DNAH1: variants seen among roughly 807,000 people sequenced by gnomAD.
DNAH1 encodes dynein axonemal heavy chain 1.
In DNAH1, 327 loss-of-function variants were observed where a neutral mutation model predicts 484.3. The ratio of observed to expected loss-of-function variants is 0.68; its 90% CI spans 0.62 to 0.74. The LOEUF is 0.74. DNAH1 is among the 30% of genes least tolerant of loss of function. The pLI is 0.00. For missense variants in DNAH1, 5,052 were observed against 5,546.8 expected, an observed-to-expected ratio of 0.91 and a Z score of 2.83; for synonymous variants, 2,192 against 2,191.9, an observed-to-expected ratio of 1.00 and a Z score of 0.00.
intron 74 of DNAH1, 70 bp from the exon 75 acceptor site, chr3:52,397,962 A>G (rs1704712997): frequency 3.8e-6 from 6 of 1,584,800 alleles, no homozygotes; most frequent in Admixed American, 1.7e-5. Context: ...AAGGACCCCT[A>G]TGCATGTGGA....
chr3:52,335,465 A>G (rs1351537025), intron 8 of DNAH1, among the ~76,000 whole-genome samples: 1 of 137,368 alleles, frequency 7.3e-6, no homozygotes, highest in African/African-American at 2.8e-5. Context: ...CTGCCACCAC[A>G]CCCAGCTAAT....
Position 52,344,485 on chromosome 3 carries a change from G to A in DNAH1, c.1287-5G>A. 1 of 1,612,636 alleles carries A rather than the reference G, an allele frequency of 6.2e-7. No homozygotes were observed. The highest frequency in any genetic ancestry group is 8.5e-7 in the Non-Finnish European group (1 of 1,178,850). On this transcript the variant is annotated splice_polypyrimidine_tract_variant and splice_region_variant and intron_variant, in intron 8 of 77. Coordinates refer to ENST00000420323, the MANE Select transcript of DNAH1 (RefSeq NM_015512.5). Reference sequence around the variant, plus strand: ...GATTCCCCCATCTCCCATCTCTATGGGCAGGGTTCTAGAGCACCTCAGCAG... The same window carrying A: ...GATTCCCCCATCTCCCATCTCTATGAGCAGGGTTCTAGAGCACCTCAGCAG...
chr3:52,391,743 A>G (rs1020008534), intron 63 of DNAH1, 140 bp downstream of exon 63: 2 of 1,003,166 alleles, frequency 2.0e-6, no homozygotes, highest in Non-Finnish European at 3.0e-6. Context: ...AGGCACTCAC[A>G]TTCGAAGCCT....
At chr3:52,378,477 G>T in intron 46 of DNAH1, 125 bp from the exon 47 acceptor site, 2 of 1,071,048 alleles carry the variant, frequency 1.9e-6, no homozygotes, top group Non-Finnish European at 1.4e-6. Context: ...TGGAATCCAA[G>T]CCTGAAGGCT....
rs944202671 is a variant in DNAH1, at chr3:52,391,247, C to T, written c.9810C>T (p.Ala3270=). ...ACTTCCTGCGCAGCATGGAGAACGCCATCCGCTTTGGCAAGCCATGTCTCC... is the reference window on the plus strand; with the variant it reads ...ACTTCCTGCGCAGCATGGAGAACGCTATCCGCTTTGGCAAGCCATGTCTCC... ...DRDFLRSMEN[A]IRFGKPCLLE... Residue 3270 remains alanine (A), a synonymous_variant, in exon 62 of 78, where the codon GCC becomes GCT. Coordinates refer to ENST00000420323, the MANE Select transcript of DNAH1 (RefSeq NM_015512.5). 3 of 1,613,652 alleles carry T rather than the reference C, an allele frequency of 1.9e-6. No homozygotes were observed. Among genetic ancestry groups the T allele is most frequent in the Non-Finnish European group, 2.5e-6 (3 of 1,179,812 alleles).
intron 28 of DNAH1, 28 bp downstream of exon 28, chr3:52,360,452 A>C: frequency 6.4e-7 from 1 of 1,574,050 alleles, no homozygotes; most frequent in South Asian, 1.1e-5. Flanking sequence ...GCTCCTTCCC[A>C]CACTGAGACC....
rs377309286 is a variant in DNAH1 at position 52,355,585 on chromosome 3, C to T, written c.3693+530C>T. On this transcript the variant is annotated intron_variant, in intron 21 of 77. Coordinates refer to ENST00000420323, the MANE Select transcript of DNAH1 (RefSeq NM_015512.5). This position sits in a 1 kb window ranked among gnomAD's most constrained non-coding sequence, Gnocchi z 4.5. ...CCCACAGAGCCCTGGAGGGCAGTCC[C>T]GGGGCCAGCCTGCAGGTGTGATATC... Among the ~76,000 whole-genome samples, 5 of 152,220 alleles carry T rather than the reference C, an allele frequency of 3.3e-5. No homozygotes were observed. Among genetic ancestry groups the T allele is most frequent in the Non-Finnish European group, 5.9e-5 (4 of 68,026 alleles).
In DNAH1 at chr3:52,345,636, TC is replaced by T; in HGVS notation, c.1588del (p.His530ThrfsTer36). The T allele has an allele frequency of 6.2e-7, 1 of 1,611,284 alleles. No individual in the cohort carries two copies. The highest frequency in any genetic ancestry group is 8.5e-7 in the Non-Finnish European group (1 of 1,178,808). On this transcript the variant is annotated frameshift_variant, in exon 10 of 78. Transcript: ENST00000420323. LOFTEE classifies it high-confidence loss of function. Reference sequence around the variant, plus strand: ...AACAAGGTGACCGCCATGTCCCTGTTCCACTCGAGCCTCTCCAAGTACAGCC... The same window carrying T: ...AACAAGGTGACCGCCATGTCCCTGTTCACTCGAGCCTCTCCAAGTACAGCC... ...ECNKVTAMSL[F>X]HSSLSKYSHL...
rs911145118 is a variant in DNAH1 at position 52,349,411 on chromosome 3, G to A, written c.2517G>A (p.Glu839=). The part of the protein sequence containing the change: ...LDILAKNLHK[E]VDSICEEFRS... ...TCCTTGCCAAGAACCTGCATAAGGA[G>A]GTGGATAGCGTAAGTGCCCACCTGC... The change falls in exon 14 of 78, where the codon GAG becomes GAA. Residue 839 remains glutamate (E), a synonymous_variant. Coordinates refer to ENST00000420323, the MANE Select transcript of DNAH1 (RefSeq NM_015512.5). 27 of 1,613,670 alleles carry A rather than the reference G, an allele frequency of 1.7e-5. No individual in the cohort carries two copies. The highest frequency in any genetic ancestry group is 2.3e-5 in the Non-Finnish European group (27 of 1,179,870).
rs922653981 is a variant in DNAH1 at position 52,370,225 on chromosome 3, G to A, written c.6254G>A (p.Arg2085Lys). The change falls in exon 39 of 78, where the codon AGA (arginine) becomes AAA (lysine). Residue 2085 changes from arginine (R) to lysine (K), a missense_variant. Physicochemically the swap from Arg to Lys is conservative, Grantham distance 26 (BLOSUM62 2). Transcript: ENST00000420323. ...TGCTTCTTCAAGCCCTTTCTGCCTAGAGAGGTACAGCCCTGAGAGTGGGGC... is the reference window on the plus strand; with the variant it reads ...TGCTTCTTCAAGCCCTTTCTGCCTAAAGAGGTACAGCCCTGAGAGTGGGGC... ...LDCFFKPFLP[R>K]EGLKKIPSEK... 1 of 1,613,742 alleles carries A rather than the reference G, an allele frequency of 6.2e-7. No individual in the cohort carries two copies.
Position 52,366,745 on chromosome 3 carries a change from C to T in DNAH1, c.5623C>T (p.Leu1875=), listed in dbSNP as rs1703092678. The T allele has an allele frequency of 6.2e-7, 1 of 1,612,570 alleles. No individual in the cohort carries two copies. Among genetic ancestry groups the T allele is most frequent in the Non-Finnish European group, 8.5e-7 (1 of 1,178,988 alleles). Residue 1875 remains leucine (L), a synonymous_variant, in exon 36 of 78, where the codon CTG becomes TTG. Transcript: ENST00000420323. ...GSGKSTCYRV[L]AAAMTSLKGQ... ...GTCCGTCTCCCAGTGTTACAGAGTC[C>T]TGGCAGCTGCCATGACGTCACTGAA...
chr3:52,341,530 C>CTTTTTTTTTTTTTTTTTTTTTTTTTT (rs55645528), intron 8 of DNAH1, among the ~76,000 whole-genome samples: 1 of 101,174 alleles, frequency 9.9e-6, no homozygotes, highest in African/African-American at 4.2e-5. Context: ...TTGACTTTGA[C>CTTTTTTTTTTTTTTTTTTTTTTTTTT]TTTTTTTTTT....
Position 52,361,216 on chromosome 3 carries a change from G to A in DNAH1, c.4738G>A (p.Ala1580Thr). The change falls in exon 29 of 78, where the codon GCT (alanine) becomes ACT (threonine). Residue 1580 changes from alanine to threonine, a missense_variant. Physicochemically the swap from Ala to Thr is moderately conservative, Grantham distance 58. Coordinates refer to ENST00000420323, the MANE Select transcript of DNAH1 (RefSeq NM_015512.5). This position sits in a 1 kb window ranked among gnomAD's most constrained non-coding sequence, Gnocchi z 5.6. ...ALHLKFGGAP[A>T]GPAGTGKTET... ...GCACCTCAAGTTTGGGGGTGCCCCA[G>A]CTGGCCCAGCTGGCACAGGCAAAAC... 6.2e-7 allele frequency: 1 copy of A among 1,612,618 alleles called. No individual in the cohort carries two copies. Among genetic ancestry groups the A allele is most frequent in the Non-Finnish European group, 8.5e-7 (1 of 1,179,514 alleles).
chr3:52,339,320 A>G (rs1701844956), intron 8 of DNAH1, among the ~76,000 whole-genome samples: 3 of 150,606 alleles, frequency 2.0e-5, no homozygotes, highest in Non-Finnish European at 3.0e-5. Flanking sequence ...TTACTTCATT[A>G]TGCTTTGATT....
At position 52,372,996 on chromosome 3, in the gene DNAH1, A is replaced by T. The variant is rs1703414378; in HGVS notation, c.6928A>T (p.Ile2310Phe). The T allele has an allele frequency of 1.2e-6, 2 of 1,613,536 alleles. No homozygotes were observed. Among genetic ancestry groups the T allele is most frequent in the Non-Finnish European group, 1.7e-6 (2 of 1,179,852 alleles). Residue 2310 changes from isoleucine (I) to phenylalanine (F), a missense_variant, in exon 44 of 78, where the codon ATC (isoleucine) becomes TTC (phenylalanine). Transcript: ENST00000420323. ...ALETYGAQPP[I>F]ELLRQWMDHG... ...GGAGACCTACGGTGCACAGCCACCC[A>T]TCGAGCTGTTGCGCCAGTGGATGGA...
chr3:52,373,263 A>G (rs1020540817), intron 44 of DNAH1, among the ~76,000 whole-genome samples: 9 of 152,084 alleles, frequency 5.9e-5, no homozygotes, highest in African/African-American at 2.2e-4. Flanking sequence ...AAGCCTGGAA[A>G]AGGGGAAGCG....
In DNAH1 at chr3:52,352,082, A is replaced by G. The variant is rs1461747958; in HGVS notation, c.2850A>G (p.Gln950=). The G allele has an allele frequency of 6.3e-7, 1 of 1,582,844 alleles. No homozygotes were observed. The highest frequency in any genetic ancestry group is 8.6e-7 in the Non-Finnish European group (1 of 1,164,808). ...KIQIMDQNNF[Q]EKLEGLQLVV... is the part of the protein sequence containing the mutation. ...AGATCATGGATCAGAACAACTTCCA[A>G]GAGAAGCTGGAAGGGCTGCAGGTGG... Residue 950 remains glutamine, a synonymous_variant, in exon 17 of 78, where the codon CAA becomes CAG. Transcript: ENST00000420323.
rs775452728 is a variant in DNAH1 at position 52,345,551 on chromosome 3, G to A, written c.1501G>A (p.Val501Met). The A allele has an allele frequency of 9.4e-6, 15 of 1,589,598 alleles. No homozygotes were observed. The highest frequency in any genetic ancestry group is 1.8e-5 in the Admixed American group (1 of 55,944). The change falls in exon 10 of 78, where the codon GTG becomes ATG. Residue 501 changes from valine to methionine, a missense_variant. Physicochemically the swap from Val to Met is conservative, Grantham distance 21. This residue lies in a region of DNAH1 where 1,263 missense variants were observed against 1,218.8 expected (regional missense o/e 1.04). Coordinates refer to ENST00000420323, the MANE Select transcript of DNAH1 (RefSeq NM_015512.5). The part of the protein sequence containing the change: ...FWEQKEDFTF[V>M]SLLTRPEVIT... ...GGAGCAGAAGGAGGACTTCACTTTC[G>A]TGTCCCTGCTCACACGGCCAGAGGT...
Position 52,349,281 on chromosome 3 carries a change from C to T in DNAH1, c.2387C>T (p.Ser796Leu), listed in dbSNP as rs369350834. 1.9e-5 allele frequency: 31 copies of T among 1,613,828 alleles called. No individual in the cohort carries two copies. Among genetic ancestry groups the T allele is most frequent in the East Asian group, 1.3e-4 (6 of 44,884 alleles). The change falls in exon 14 of 78, where the codon TCG (serine) becomes TTG (leucine). Residue 796 changes from serine (S) to leucine (L), a missense_variant. Transcript: ENST00000420323. ...HLREKEILDS[S>L]LPSSIIIGPF... ...CGGGAGAAGGAGATCCTGGACAGCT[C>T]GCTGCCCAGCAGCATCATCATTGGG... is the stretch of plus-strand genomic sequence containing the variant.
Sources: gnomAD v4.1 joint callset for allele counts (sites outside exome capture counted in the v4.1 genomes callset) on GRCh38, gnomAD v4.1.1 for gene constraint, gnomAD v4.1.1 regional missense constraint, Gnocchi (gnomAD v3.1) non-coding constraint, MANE v1.5 for transcripts, NCBI Gene and HGNC (gene_info 2026-07-23, HGNC 2026-07-21) for gene names.